Variants in IFNGR1 observed in about 807,000 individuals in gnomAD.
IFNGR1 encodes the protein interferon gamma receptor 1.
In IFNGR1, 23 loss-of-function variants were observed where a neutral mutation model predicts 35.4. The ratio of observed to expected loss-of-function variants is 0.65; its 90% confidence interval spans 0.47 to 0.92. The LOEUF (loss-of-function observed/expected upper bound fraction) is 0.92, where lower values mean the gene tolerates loss of function less well. Ranked by LOEUF, IFNGR1 falls within the 40% of genes least tolerant of loss-of-function variation. IFNGR1 has a pLI of 0.00. For synonymous variants in IFNGR1, 199 were observed against 209.5 expected (o/e 0.95, Z 0.43); for missense variants, 533 against 583.4 (o/e 0.91, Z 0.89).
intron 1 of IFNGR1, among the ~76,000 whole-genome samples, chr6:137,217,802 T>C (rs933965414): frequency 6.6e-6 from 1 of 152,166 alleles, no homozygotes; most frequent in South Asian, 2.1e-4. Flanking sequence ...GGTTCCTACT[T>C]CTCCACCTAA....
At chr6:137,208,362 A>T (rs1177035615) in intron 1 of IFNGR1, among the ~76,000 whole-genome samples, 1 of 152,212 alleles carries the variant, frequency 6.6e-6, no homozygotes, top group African/African-American at 2.4e-5. Context: ...GCCTAATGTT[A>T]ATCCCCAAGG....
chr6:137,202,083 A>G lies in IFNGR1; in HGVS notation c.734-1075T>C, dbSNP rs114952946. 9.2e-3 allele frequency among the ~76,000 whole-genome samples: 1,394 copies of G among 152,248 alleles called. 28 individuals carry two copies. Among genetic ancestry groups the G allele is most frequent in the African/African-American group, 0.032 (1,323 of 41,528 alleles). ...TTTTGTTACCCAGAATTTTCTAACT[A>G]TGGAAGTTACTAATGAATGCTTCTA... On this transcript the variant is annotated intron_variant, in intron 5 of 6. Transcript: ENST00000367739.
At chr6:137,199,306 A>G (rs970418229) in intron 6 of IFNGR1, among the ~76,000 whole-genome samples, 2 of 133,566 alleles carry the variant, frequency 1.5e-5, no homozygotes, top group African/African-American at 5.6e-5. Flanking sequence ...TATAATTAAT[A>G]TATATTATAT....
chr6:137,205,097 G>A (rs1244332760), intron 3 of IFNGR1, among the ~76,000 whole-genome samples: 3 of 152,064 alleles, frequency 2.0e-5, no homozygotes, highest in Non-Finnish European at 4.4e-5. Flanking sequence ...TATACTTTCC[G>A]GCACGTAGTA....
At position 137,219,357 on chromosome 6, in the gene IFNGR1, C is replaced by G. The variant is rs756035623; in HGVS notation, c.-30G>C. On this transcript the variant is annotated 5_prime_UTR_variant, in exon 1 of 7. Transcript: ENST00000367739. ...CTACCGACGGTCGCTGGCTCCAACCCCGAGCGCCTGCGGGACCAGCCCAGC... is the reference window on the plus strand; with the variant it reads ...CTACCGACGGTCGCTGGCTCCAACCGCGAGCGCCTGCGGGACCAGCCCAGC... 7.6e-6 allele frequency: 12 copies of G among 1,583,870 alleles called. No homozygotes were observed.
intron 1 of IFNGR1, chr6:137,218,679 C>A: frequency 2.8e-6 from 1 of 353,578 alleles, no homozygotes; most frequent in Non-Finnish European, 5.6e-6. Flanking sequence ...CACAGTCATG[C>A]GTCACTTAAC....
chr6:137,202,671 C>T (rs1201773097), intron 5 of IFNGR1, among the ~76,000 whole-genome samples: 2 of 149,198 alleles, frequency 1.3e-5, no homozygotes, highest in Admixed American at 6.7e-5. Context: ...GCATGAGTTA[C>T]AATATATGCT....
chr6:137,200,968 A>G lies in IFNGR1; in HGVS notation c.774T>C (p.Phe258=), dbSNP rs765182221. 6.2e-7 allele frequency: 1 copy of G among 1,613,190 alleles called. No homozygotes were observed. Among genetic ancestry groups the G allele is most frequent in the Non-Finnish European group, 8.5e-7 (1 of 1,179,308 alleles). The part of the protein sequence containing the change: ...WIPVVAALLL[F]LVLSLVFICF... ...AGATGAATACCAGGCTAAGCACTAG[A>G]AAGAGTAGTAAAGCAGCAACAACTG... Residue 258 remains phenylalanine, a synonymous_variant, in exon 6 of 7, where the codon TTT becomes TTC. Transcript: ENST00000367739.
At chr6:137,200,163 A>C (rs1779243431) in intron 6 of IFNGR1, among the ~76,000 whole-genome samples, 1 of 152,192 alleles carries the variant, frequency 6.6e-6, no homozygotes, top group Non-Finnish European at 1.5e-5. Flanking sequence ...TTGTGAGTTG[A>C]CTACTAACTG....
chr6:137,218,111 A>G (rs1779750580), intron 1 of IFNGR1, among the ~76,000 whole-genome samples: 2 of 152,212 alleles, frequency 1.3e-5, no homozygotes. Flanking sequence ...AGCCAAATTG[A>G]GCAGCTCCCC....
rs17175329 is a variant in IFNGR1, at chr6:137,206,948, A to G, written c.200+15T>C. ...AAAATGGAATAAAAAGGATAAATAA[A>G]AGAGTGACACTCACCCATAGTTCTT... On this transcript the variant is annotated intron_variant, in intron 2 of 6. Transcript: ENST00000367739. 1.9e-5 allele frequency: 30 copies of G among 1,568,070 alleles called. No individual in the cohort carries two copies. Among genetic ancestry groups the G allele is most frequent in the Non-Finnish European group, 2.6e-5 (30 of 1,138,448 alleles).
At chr6:137,215,715 C>G (rs1178097261) in intron 1 of IFNGR1, among the ~76,000 whole-genome samples, 1 of 152,092 alleles carries the variant, frequency 6.6e-6, no homozygotes, top group African/African-American at 2.4e-5. Context: ...CACACAAACA[C>G]ACACACAAAC....
At position 137,204,327 on chromosome 6, in the gene IFNGR1, C is replaced by T. The variant is rs2114478198; in HGVS notation, c.546+5G>A. The T allele has an allele frequency of 6.2e-7, 1 of 1,612,232 alleles. No homozygotes were observed. Among genetic ancestry groups the T allele is most frequent in the Non-Finnish European group, 8.5e-7 (1 of 1,178,312 alleles). Reference sequence around the variant, plus strand: ...TTTCCATTATGAAAAATGTGAAACACATACCTCACTTCCGTTCATTCTCAC... The same window carrying T: ...TTTCCATTATGAAAAATGTGAAACATATACCTCACTTCCGTTCATTCTCAC... On this transcript the variant is annotated splice_donor_5th_base_variant and intron_variant, in intron 4 of 6. Coordinates refer to ENST00000367739, the MANE Select transcript of IFNGR1 (RefSeq NM_000416.3).
chr6:137,200,635 C>T (rs35860242), intron 6 of IFNGR1, among the ~76,000 whole-genome samples: 4,256 of 152,174 alleles, frequency 0.028, 103 homozygotes, highest in East Asian at 0.074. Flanking sequence ...TTTTCTTCCC[C>T]CTAGACTTTA....
intron 1 of IFNGR1, among the ~76,000 whole-genome samples, chr6:137,209,579 C>T (rs888832460): frequency 2.6e-5 from 4 of 152,068 alleles, no homozygotes; most frequent in Non-Finnish European, 4.4e-5. Context: ...TTTCTCTTGC[C>T]GCCACCATGT....
rs74822325 is a variant in IFNGR1 at position 137,203,416 on chromosome 6, T to G, written c.733+83A>C. On this transcript the variant is annotated intron_variant, in intron 5 of 6. Transcript: ENST00000367739. ...ATTGTTAAAACAGATCTTTTGAAAC[T>G]GCAAATGAGTTTGCTTTCCTCACAT... is the stretch of plus-strand genomic sequence containing the variant. The G allele has an allele frequency of 4.9e-4, 381 of 781,506 alleles. No individual in the cohort carries two copies. In the African/African-American group the frequency reaches 5.5e-3, roughly 11 times the overall value. The allele number at this position is 781,506 out of a possible 1,614,324, so 48.4% of individuals were successfully genotyped here.
At position 137,197,850 on chromosome 6, in the gene IFNGR1, A is replaced by C; in HGVS notation, c.*181T>G. On this transcript the variant is annotated 3_prime_UTR_variant, in exon 7 of 7. Coordinates refer to ENST00000367739, the MANE Select transcript of IFNGR1 (RefSeq NM_000416.3). ...TGTTTAAAAAAAAAAAAAAGTCTGT[A>C]CTTTACAAGCCAAAAGTGAAAATGC... The C allele has an allele frequency of 1.4e-6, 1 of 711,650 alleles. No individual in the cohort carries two copies. The highest frequency in any genetic ancestry group is 2.3e-6 in the Non-Finnish European group (1 of 444,410). The allele number at this position is 711,650 out of a possible 1,614,324, so 44.1% of individuals were successfully genotyped here.
intron 1 of IFNGR1, among the ~76,000 whole-genome samples, chr6:137,215,962 G>A (rs1779686841): frequency 6.6e-6 from 1 of 152,122 alleles, no homozygotes; most frequent in Non-Finnish European, 1.5e-5. Flanking sequence ...TCCTTCCGCC[G>A]ATGTGCTGGG....
At position 137,206,324 on chromosome 6, in the gene IFNGR1, A is replaced by C; in HGVS notation, c.201-16T>G. On this transcript the variant is annotated splice_polypyrimidine_tract_variant and intron_variant, in intron 2 of 6. Transcript: ENST00000367739. ...ATTCTTAACACTAAAAAGAATAAAA[A>C]AATGCGAAGATAACTTTTATTGTTA... is the stretch of plus-strand genomic sequence containing the variant. 2 of 1,573,494 alleles carry C rather than the reference A, an allele frequency of 1.3e-6. No homozygotes were observed. The highest frequency in any genetic ancestry group is 1.7e-6 in the Non-Finnish European group (2 of 1,143,804).
Sources: allele counts gnomAD v4.1 joint callset (sites outside exome capture counted in the v4.1 genomes callset), GRCh38; gene constraint gnomAD v4.1.1; transcripts MANE v1.5; gene names NCBI Gene and HGNC (gene_info 2026-07-23, HGNC 2026-07-21).